Variants in CLASP1 observed in about 807,000 individuals in gnomAD.
CLASP1 encodes the protein cytoplasmic linker associated protein 1, also known as CLIP-associating protein 1.
Under a neutral mutation model 192.3 loss-of-function variants are expected in CLASP1, and 38 were observed. That is an observed-to-expected ratio of 0.20 (90% CI 0.15 to 0.26). The LOEUF (loss-of-function observed/expected upper bound fraction) is 0.26, where lower values mean the gene tolerates loss of function less well. CLASP1 is among the 10% of genes least tolerant of loss of function. CLASP1 has a pLI of 1.00. For missense variants in CLASP1, 1,433 were observed against 1,932.5 expected (o/e 0.74, Z 4.85); for synonymous variants, 691 against 712.8 (o/e 0.97, Z 0.49).
chr2:121,609,949 A>G (rs1471419368), intron 1 of CLASP1, among the ~76,000 whole-genome samples: 1 of 152,194 alleles, frequency 6.6e-6, no homozygotes, highest in Non-Finnish European at 1.5e-5. Flanking sequence ...AAAAATAAAT[A>G]AATAAAAATT....
chr2:121,396,649 T>C (rs2075326298), intron 30 of CLASP1, among the ~76,000 whole-genome samples: 2 of 152,214 alleles, frequency 1.3e-5, no homozygotes, highest in South Asian at 2.1e-4. Flanking sequence ...TACCAGGCAA[T>C]ACTTAAGTAA....
At chr2:121,526,581 T>G (rs2094579898) in intron 5 of CLASP1, among the ~76,000 whole-genome samples, 1 of 152,144 alleles carries the variant, frequency 6.6e-6, no homozygotes, top group African/African-American at 2.4e-5. Context: ...TTTCTTAAGC[T>G]TCAGTTACAT....
chr2:121,572,525 G>C (rs1272302369), intron 2 of CLASP1, among the ~76,000 whole-genome samples: 1 of 152,080 alleles, frequency 6.6e-6, no homozygotes, highest in Non-Finnish European at 1.5e-5. Context: ...TATTATTTCA[G>C]AGAAAAAAAC....
intron 19 of CLASP1, chr2:121,445,043 T>C: frequency 1.2e-6 from 1 of 863,220 alleles, no homozygotes; most frequent in Non-Finnish European, 1.7e-6. Flanking sequence ...CCGAATGTTA[T>C]TAGCTACTAA....
At chr2:121,500,142 T>C (rs889791141) in intron 8 of CLASP1, among the ~76,000 whole-genome samples, 3 of 151,914 alleles carry the variant, frequency 2.0e-5, no homozygotes, top group Non-Finnish European at 4.4e-5. Context: ...TAATCTAAGC[T>C]GTATAAGGTA....
intron 8 of CLASP1, among the ~76,000 whole-genome samples, chr2:121,492,389 C>CAAAAAAAAAAAA (rs761378692): frequency 2.6e-5 from 1 of 37,906 alleles, no homozygotes; most frequent in Non-Finnish European, 4.7e-5. Flanking sequence ...ACTCCCTCTC[C>CAAAAAAAAAAAA]AAAAAAAAAA....
intron 1 of CLASP1, among the ~76,000 whole-genome samples, chr2:121,640,829 C>G (rs974730983): frequency 5.9e-5 from 9 of 152,202 alleles, no homozygotes; most frequent in African/African-American, 2.2e-4. Flanking sequence ...ATAGCACCTG[C>G]CTTTAAATGT....
At chr2:121,481,337 A>G (rs1350508587) in intron 8 of CLASP1, among the ~76,000 whole-genome samples, 1 of 152,210 alleles carries the variant, frequency 6.6e-6, no homozygotes, top group Non-Finnish European at 1.5e-5. Flanking sequence ...AAAAAAATGT[A>G]TGGACATTAT....
At chr2:121,444,517 A>G (rs6541776) in intron 19 of CLASP1, among the ~76,000 whole-genome samples, 4,228 of 152,318 alleles carry the variant, frequency 0.028, 80 homozygotes, top group Non-Finnish European at 0.045. Flanking sequence ...ATTTACTTTC[A>G]AAACAGAAAG....
chr2:121,489,838 A>G (rs1575411641), intron 8 of CLASP1, among the ~76,000 whole-genome samples: 1 of 152,242 alleles, frequency 6.6e-6, no homozygotes, highest in East Asian at 1.9e-4. Context: ...TTGCACTGCT[A>G]TCATTTATGC....
chr2:121,344,173 G>A lies in CLASP1; in HGVS notation c.4530+2865C>T, dbSNP rs777001960. Among the ~76,000 whole-genome samples the A allele has an allele frequency of 6.5e-4, 99 of 152,106 alleles. 1 individual carries two copies. The highest frequency in any genetic ancestry group is 2.6e-4 in the Non-Finnish European group (18 of 68,024). ...TTGTTCAAGGTCATAAAACTCGTAA[G>A]TGGGGAACAGAGACCAGAAGGCAAG... On this transcript the variant is annotated intron_variant, in intron 39 of 39. Coordinates refer to ENST00000263710, the Ensembl canonical transcript of CLASP1.
At chr2:121,622,525 T>A (rs1014685077) in intron 1 of CLASP1, among the ~76,000 whole-genome samples, 1 of 150,886 alleles carries the variant, frequency 6.6e-6, no homozygotes, top group Non-Finnish European at 1.5e-5. Flanking sequence ...GCTGATACTA[T>A]GCCACTGCAC....
chr2:121,474,847 AC>A (rs1182231747), intron 8 of CLASP1, among the ~76,000 whole-genome samples: 1 of 152,194 alleles, frequency 6.6e-6, no homozygotes, highest in African/African-American at 2.4e-5. Context: ...AACAAATCTA[AC>A]AAGCTTACTT....
At chr2:121,452,816 TA>T (rs2085782651) in intron 14 of CLASP1, among the ~76,000 whole-genome samples, 1 of 151,990 alleles carries the variant, frequency 6.6e-6, no homozygotes, top group East Asian at 1.9e-4. Flanking sequence ...AACAAACAAA[TA>T]AAAATTTCTT....
chr2:121,493,471 A>G (rs1212187488), intron 8 of CLASP1, among the ~76,000 whole-genome samples: 2 of 152,206 alleles, frequency 1.3e-5, no homozygotes, highest in South Asian at 4.1e-4. Flanking sequence ...CTGGACCCCC[A>G]TATCTCTCAC....
chr2:121,575,824 G>A (rs1171174228), intron 2 of CLASP1, among the ~76,000 whole-genome samples: 1 of 152,146 alleles, frequency 6.6e-6, no homozygotes, highest in East Asian at 1.9e-4. Flanking sequence ...CTAAAGCATC[G>A]GTGTAAATAT....
chr2:121,430,135 T>C lies in CLASP1; in HGVS notation c.1955A>G (p.Asn652Ser), dbSNP rs368747816. The change falls in exon 20 of 40, where the codon AAC (asparagine) becomes AGC (serine). Residue 652 changes from asparagine (N) to serine (S), a missense_variant. This residue lies in a region of CLASP1 where 445 missense variants were observed against 535.5 expected (regional missense o/e 0.83). Coordinates refer to ENST00000263710, the Ensembl canonical transcript of CLASP1. Reference sequence around the variant, plus strand: ...CCGGTTATCAGGTGTAGAGGCGACGTTGGTGGCACTCCCAGAGCTTTGCCG... The same window carrying C: ...CCGGTTATCAGGTGTAGAGGCGACGCTGGTGGCACTCCCAGAGCTTTGCCG... 3.2e-6 allele frequency: 5 copies of C among 1,577,514 alleles called. No homozygotes were observed. Among genetic ancestry groups the C allele is most frequent in the East Asian group, 2.3e-5 (1 of 42,946 alleles).
At chr2:121,542,048 C>T (rs186935741) in intron 2 of CLASP1, among the ~76,000 whole-genome samples, 69 of 152,258 alleles carry the variant, frequency 4.5e-4, no homozygotes, top group African/African-American at 1.5e-3. Flanking sequence ...TCCAGGCACA[C>T]GCACATGCAC....
At chr2:121,396,306 T>C (rs1223728758) in intron 30 of CLASP1, among the ~76,000 whole-genome samples, 1 of 152,172 alleles carries the variant, frequency 6.6e-6, no homozygotes, top group Non-Finnish European at 1.5e-5. Context: ...GATAAAGCTT[T>C]GCAAAGTAAC....
Sources: gnomAD v4.1 joint callset for allele counts (sites outside exome capture counted in the v4.1 genomes callset) on GRCh38, gnomAD v4.1.1 for gene constraint, gnomAD v4.1.1 regional missense constraint, MANE v1.5 for transcripts, NCBI Gene and HGNC (gene_info 2026-07-23, HGNC 2026-07-21) for gene names.